SGSM3: variants seen among roughly 807,000 people sequenced by gnomAD.
The protein encoded by SGSM3 is small G protein signaling modulator 3.
In SGSM3, 96 loss-of-function variants were observed where a neutral mutation model predicts 100.5. The ratio of observed to expected loss-of-function variants is 0.96; its 90% CI spans 0.81 to 1.13. SGSM3 has a LOEUF of 1.13. Among genes scored for constraint, SGSM3 ranks in the 50% most tolerant of loss-of-function variants. SGSM3 has a pLI of 0.00. For missense variants in SGSM3, 1,001 were observed against 1,015.8 expected (o/e 0.99, Z 0.20); for synonymous variants, 483 against 422.8 (o/e 1.14, Z -1.75).
chr22:40,401,696 C>T (rs1297011522), intron 3 of SGSM3, 21 bp downstream of exon 3: 1 of 1,598,786 alleles, frequency 6.3e-7, no homozygotes, highest in Non-Finnish European at 8.6e-7. Context: ...TAGCCAGGCA[C>T]CAGCCTGCTG....
intron 4 of SGSM3, among the ~76,000 whole-genome samples, chr22:40,403,532 G>A (rs2051026018): frequency 6.6e-6 from 1 of 152,220 alleles, no homozygotes; most frequent in Non-Finnish European, 1.5e-5. Context: ...AATACTTCCA[G>A]GGATAGAGAA....
In SGSM3 at chr22:40,407,861, C is replaced by G; in HGVS notation, c.1579+18C>G. On this transcript the variant is annotated intron_variant, in intron 14 of 21. Transcript: ENST00000248929. This position sits in a 1 kb window ranked among gnomAD's most constrained non-coding sequence, Gnocchi z 4.7. ...CCTGCGAGGTGGGGTCCTTGGTCTGCTCTTGAGCTGGGAGAGGGAGGAGGG... is the reference window on the plus strand; with the variant it reads ...CCTGCGAGGTGGGGTCCTTGGTCTGGTCTTGAGCTGGGAGAGGGAGGAGGG... The G allele has an allele frequency of 3.7e-6, 6 of 1,602,798 alleles. No individual in the cohort carries two copies. The highest frequency in any genetic ancestry group is 5.1e-6 in the Non-Finnish European group (6 of 1,173,500).
intron 1 of SGSM3, among the ~76,000 whole-genome samples, chr22:40,397,126 G>A (rs1179271741): frequency 6.6e-6 from 1 of 152,186 alleles, no homozygotes; most frequent in Non-Finnish European, 1.5e-5. Flanking sequence ...ACCAGAGGCA[G>A]GAAAAACCTG....
Position 40,407,471 on chromosome 22 carries a change from C to T in SGSM3, c.1427C>T (p.Ala476Val), listed in dbSNP as rs749504813. ...CAGCGGGACCACGAGAACTACGTGG[C>T]GTGCTCACGCAGCCACCGGCGCCGA... Reference protein sequence around the residue: ...SHQRDHENYVACSRSHRRRAK... With the variant: ...SHQRDHENYVVCSRSHRRRAK... Residue 476 changes from alanine (A) to valine (V), a missense_variant, in exon 13 of 22, where the codon GCG (alanine) becomes GTG (valine). Transcript: ENST00000248929. The surrounding 1 kb of genome is among the most constrained non-coding windows in gnomAD (Gnocchi z 4.7). The T allele has an allele frequency of 8.7e-6, 14 of 1,612,144 alleles. No individual in the cohort carries two copies. The highest frequency in any genetic ancestry group is 3.3e-4 in the Middle Eastern group (2 of 6,062).
In SGSM3 at chr22:40,405,182, C is replaced by T; in HGVS notation, c.516C>T (p.Cys172=). 1 of 1,582,352 alleles carries T rather than the reference C, an allele frequency of 6.3e-7. No individual in the cohort carries two copies. The highest frequency in any genetic ancestry group is 8.6e-7 in the Non-Finnish European group (1 of 1,163,016). The change falls in exon 7 of 22, where the codon TGC becomes TGT. Residue 172 remains cysteine (C), a synonymous_variant. Coordinates refer to ENST00000248929, the MANE Select transcript of SGSM3 (RefSeq NM_015705.6). The stretch of plus-strand genomic sequence containing the variant: ...TCCGCACCATGCCCAGCAACGCCTG[C>T]TTCGCCAGCATGGGTAGCATCGGGG... ...DLLRTMPSNA[C]FASMGSIGVP... is the part of the protein sequence containing the mutation.
chr22:40,405,260 C>A lies in SGSM3; in HGVS notation c.594C>A (p.Ile198=), dbSNP rs369794718. ...LRALAWLYPE[I]GYCQGTGMVA... is the part of the protein sequence containing the mutation. ...CCCTGGCCTGGCTCTACCCAGAGAT[C>A]GGCTACTGCCAGGGCACCGGCATGG... Residue 198 remains isoleucine (I), a synonymous_variant, in exon 7 of 22, where the codon ATC becomes ATA. Transcript: ENST00000248929. The A allele has an allele frequency of 6.6e-7, 1 of 1,522,960 alleles. No homozygotes were observed. The highest frequency in any genetic ancestry group is 1.4e-5 in the African/African-American group (1 of 71,646). The allele number at this position is 1,522,960 out of a possible 1,614,324, so 94.3% of individuals were successfully genotyped here. A position where few individuals can be genotyped will look rare whatever the true frequency, so the allele number is the denominator to read the frequency against.
rs534486673 is a variant in SGSM3, at chr22:40,385,882, A to G, written c.-111-14814A>G. On this transcript the variant is annotated intron_variant, in intron 1 of 21. Coordinates refer to ENST00000248929, the MANE Select transcript of SGSM3 (RefSeq NM_015705.6). ...TTTTTTTTCTTGAAGACCGGGTCTC[A>G]CTCTGGTTGCCCAGGCTGGAGTGCA... Among the ~76,000 whole-genome samples the G allele has an allele frequency of 5.3e-5, 8 of 151,968 alleles. No individual in the cohort carries two copies. In the South Asian group the frequency reaches 1.2e-3, roughly 24 times the overall value.
chr22:40,380,183 A>G (rs193142315), intron 1 of SGSM3, among the ~76,000 whole-genome samples: 5 of 152,230 alleles, frequency 3.3e-5, no homozygotes, highest in Admixed American at 3.3e-4. Flanking sequence ...AGTGCTGGAA[A>G]TGTTCTTGTA....
intron 1 of SGSM3, among the ~76,000 whole-genome samples, chr22:40,389,725 A>C (rs1200328498): frequency 6.6e-6 from 1 of 150,478 alleles, no homozygotes; most frequent in African/African-American, 2.4e-5. Flanking sequence ...CTCAACATGG[A>C]GAAACCCCGT....
intron 19 of SGSM3, 77 bp downstream of exon 19, chr22:40,409,095 G>T (rs2052160195): frequency 3.9e-6 from 6 of 1,552,472 alleles, no homozygotes; most frequent in Non-Finnish European, 5.2e-6. Context: ...GTCCTTACAG[G>T]GAACCCTAAA....
rs932741144 is a variant in SGSM3, at chr22:40,404,550, C to T, written c.367-7C>T. 1.9e-6 allele frequency: 3 copies of T among 1,613,052 alleles called. No individual in the cohort carries two copies. Among genetic ancestry groups the T allele is most frequent in the South Asian group, 1.1e-5 (1 of 91,012 alleles). ...GACTGAGTGCCCTTGCGGCTCCCTTCCCTCAGCTGTGGATGCGGCTCTCTG... is the reference window on the plus strand; with the variant it reads ...GACTGAGTGCCCTTGCGGCTCCCTTTCCTCAGCTGTGGATGCGGCTCTCTG... On this transcript the variant is annotated splice_region_variant and splice_polypyrimidine_tract_variant and intron_variant, in intron 5 of 21. Coordinates refer to ENST00000248929, the MANE Select transcript of SGSM3 (RefSeq NM_015705.6).
Position 40,404,210 on chromosome 22 carries a change from A to G in SGSM3, c.158-37A>G, listed in dbSNP as rs1295665994. On this transcript the variant is annotated intron_variant, in intron 4 of 21. Coordinates refer to ENST00000248929, the MANE Select transcript of SGSM3 (RefSeq NM_015705.6). ...GCTGCTTGGAGAACACGTAGTAGAG[A>G]ATGCTTTTTCTTTCCTCCTTGGCTC... is the stretch of plus-strand genomic sequence containing the variant. 3 of 1,486,634 alleles carry G rather than the reference A, an allele frequency of 2.0e-6. No individual in the cohort carries two copies. The African/African-American group carries it at 4.2e-5, about 21-fold the overall frequency. The allele number at this position is 1,486,634 out of a possible 1,614,324, so 92.1% of individuals were successfully genotyped here. A position where few individuals can be genotyped will look rare whatever the true frequency, so the allele number is the denominator to read the frequency against.
intron 4 of SGSM3, chr22:40,403,974 T>G (rs1292791473): frequency 3.1e-6 from 1 of 317,478 alleles, no homozygotes; most frequent in Non-Finnish European, 5.7e-6. Flanking sequence ...AGGCTGAGCA[T>G]CGGGAGAATG....
intron 1 of SGSM3, among the ~76,000 whole-genome samples, chr22:40,378,722 C>T (rs1241449856): frequency 2.0e-5 from 3 of 151,784 alleles, no homozygotes; most frequent in Admixed American, 1.3e-4. Context: ...GAGACTCTGT[C>T]TCAAAAAAAA....
intron 7 of SGSM3, 110 bp from the exon 8 acceptor site, chr22:40,405,539 T>C: frequency 9.5e-7 from 1 of 1,050,954 alleles, no homozygotes; most frequent in East Asian, 2.4e-5. Context: ...GGTTCCAGCA[T>C]GCGTGCCCCC....
At position 40,407,261 on chromosome 22, in the gene SGSM3, A is replaced by T. The variant is rs759577234; in HGVS notation, c.1301A>T (p.Asp434Val). ...KNIKQTELVA[D>V]LREAILRVAR... ...ATCAAGCAGACGGAACTGGTGGCTGACCTCCGGGAAGCCATCCTGCGCGTG... is the reference window on the plus strand; with the variant it reads ...ATCAAGCAGACGGAACTGGTGGCTGTCCTCCGGGAAGCCATCCTGCGCGTG... Residue 434 changes from aspartate to valine, a missense_variant, in exon 12 of 22, where the codon GAC (aspartate) becomes GTC (valine). Physicochemically the swap from Asp to Val is radical, Grantham distance 152. Coordinates refer to ENST00000248929, the MANE Select transcript of SGSM3 (RefSeq NM_015705.6). The surrounding 1 kb of genome is among the most constrained non-coding windows in gnomAD (Gnocchi z 4.7). 32 of 1,613,222 alleles carry T rather than the reference A, an allele frequency of 2.0e-5. No homozygotes were observed. Among genetic ancestry groups the T allele is most frequent in the Non-Finnish European group, 2.7e-5 (32 of 1,179,984 alleles).
At position 40,404,372 on chromosome 22, in the gene SGSM3, G is replaced by A. The variant is rs1359263015; in HGVS notation, c.283G>A (p.Asp95Asn). ...CCACGATGTGGGGGATCTCACCTGG[G>A]ACAAGATTGCCGTCTCCCTACCCCG... Reference protein sequence around the residue: ...HNHDVGDLTWDKIAVSLPRSE... With the variant: ...HNHDVGDLTWNKIAVSLPRSE... The change falls in exon 5 of 22, where the codon GAC becomes AAC. Residue 95 changes from aspartate to asparagine, a missense_variant. Coordinates refer to ENST00000248929, the MANE Select transcript of SGSM3 (RefSeq NM_015705.6). 4 of 1,608,244 alleles carry A rather than the reference G, an allele frequency of 2.5e-6. No homozygotes were observed. Among genetic ancestry groups the A allele is most frequent in the East Asian group, 4.5e-5 (2 of 44,836 alleles).
chr22:40,385,978 G>T (rs748056113), intron 1 of SGSM3, among the ~76,000 whole-genome samples: 1 of 151,834 alleles, frequency 6.6e-6, no homozygotes, highest in Non-Finnish European at 1.5e-5. Flanking sequence ...CAACTTCCCA[G>T]GTAGCTGGGA....
intron 19 of SGSM3, 39 bp downstream of exon 19, chr22:40,409,057 G>T (rs754308560): frequency 1.9e-6 from 3 of 1,553,554 alleles, no homozygotes; most frequent in South Asian, 1.2e-5. Context: ...GCCCTGGAGT[G>T]GGGGGACCCA....
Sources: gnomAD v4.1 joint callset for allele counts (sites outside exome capture counted in the v4.1 genomes callset) on GRCh38, gnomAD v4.1.1 for gene constraint, Gnocchi (gnomAD v3.1) non-coding constraint, MANE v1.5 for transcripts, NCBI Gene and HGNC (gene_info 2026-07-23, HGNC 2026-07-21) for gene names.